PPP2R5E: variants seen among roughly 807,000 people sequenced by gnomAD.
PPP2R5E encodes protein phosphatase 2 regulatory subunit B'epsilon.
PPP2R5E carries 4 observed loss-of-function variants against 65.3 expected under a neutral mutation model. That is an observed-to-expected ratio of 0.06 (90% CI 0.03 to 0.14). The LOEUF (loss-of-function observed/expected upper bound fraction) is 0.14, where lower values mean the gene tolerates loss of function less well. Among genes scored for constraint, PPP2R5E ranks in the 10% least tolerant of loss-of-function variants. The probability of loss-of-function intolerance (pLI) is 1.00; values close to 1 mark genes in which losing one functional copy is unlikely to be tolerated. For missense variants in PPP2R5E, 274 were observed against 556.1 expected (o/e 0.49, Z 5.10); for synonymous variants, 183 against 187.4 (o/e 0.98, Z 0.19).
At chr14:63,381,058 T>C (rs1162211053) in intron 13 of PPP2R5E, among the ~76,000 whole-genome samples, 1 of 152,182 alleles carries the variant, frequency 6.6e-6, no homozygotes, top group South Asian at 2.1e-4. Flanking sequence ...CATCTGCTTA[T>C]GGATGATCAA....
At chr14:63,518,360 G>A (rs932898564) in intron 2 of PPP2R5E, among the ~76,000 whole-genome samples, 6 of 152,116 alleles carry the variant, frequency 3.9e-5, no homozygotes, top group African/African-American at 1.4e-4. Context: ...TCCTGCCTTA[G>A]CCTCTGGAGT....
intron 6 of PPP2R5E, among the ~76,000 whole-genome samples, chr14:63,396,031 G>C (rs1300870068): frequency 2.5e-4 from 1 of 3,960 alleles, no homozygotes; most frequent in Non-Finnish European, 4.9e-4. Context: ...GAGAGGGGAG[G>C]GGGAAGATGG....
chr14:63,512,997 AC>A (rs35922783), intron 2 of PPP2R5E, among the ~76,000 whole-genome samples: 53,221 of 151,242 alleles, frequency 0.35, 9,729 homozygotes, highest in African/African-American at 0.46. Context: ...CCACCCCCCT[AC>A]CCCCCACCAA....
chr14:63,521,184 A>G (rs1892893606), intron 2 of PPP2R5E, among the ~76,000 whole-genome samples: 2 of 152,232 alleles, frequency 1.3e-5, no homozygotes, highest in African/African-American at 4.8e-5. Context: ...CTAAACCAGT[A>G]CAGTTAAAAT....
intron 3 of PPP2R5E, among the ~76,000 whole-genome samples, chr14:63,426,870 G>A (rs190793921): frequency 1.8e-4 from 27 of 152,234 alleles, no homozygotes; most frequent in African/African-American, 3.4e-4. Context: ...ATTGGGGCAC[G>A]GGGGAGGAAG....
At chr14:63,505,962 G>C (rs528807159) in intron 2 of PPP2R5E, among the ~76,000 whole-genome samples, 10 of 152,238 alleles carry the variant, frequency 6.6e-5, no homozygotes, top group Admixed American at 5.9e-4. Flanking sequence ...TGTAAAGTCA[G>C]GCAAGGCTTT....
At chr14:63,428,557 C>A (rs1887461311) in intron 3 of PPP2R5E, among the ~76,000 whole-genome samples, 1 of 152,080 alleles carries the variant, frequency 6.6e-6, no homozygotes, top group African/African-American at 2.4e-5. Context: ...GGTCAAGGAC[C>A]TCATAACTGC....
chr14:63,464,479 A>C (rs28579385), intron 2 of PPP2R5E, among the ~76,000 whole-genome samples: 3,548 of 151,970 alleles, frequency 0.023, 122 homozygotes, highest in East Asian at 0.11. Flanking sequence ...AGGAAGAAGG[A>C]GCATGCTGGT....
chr14:63,477,362 G>A (rs1054432969), intron 2 of PPP2R5E, among the ~76,000 whole-genome samples: 5 of 152,040 alleles, frequency 3.3e-5, no homozygotes, highest in African/African-American at 1.2e-4. Flanking sequence ...AAAAATTGCA[G>A]CTAACATTTA....
At position 63,376,017 on chromosome 14, in the gene PPP2R5E, G is replaced by C; in HGVS notation, c.1396C>G (p.Pro466Ala). 6.3e-7 allele frequency: 1 copy of C among 1,587,702 alleles called. No homozygotes were observed. Among genetic ancestry groups the C allele is most frequent in the Non-Finnish European group, 8.6e-7 (1 of 1,156,746 alleles). ...KRGLRRDGII[P>A]T ...TGTTGTCATTGTTTTTGTTAAGTTGGAATTATTCCATCACGTCTAAGACCT... is the reference window on the plus strand; with the variant it reads ...TGTTGTCATTGTTTTTGTTAAGTTGCAATTATTCCATCACGTCTAAGACCT... Residue 466 changes from proline (P) to alanine (A), a missense_variant, in exon 14 of 14, where the codon CCA (proline) becomes GCA (alanine). This residue lies in a region of PPP2R5E where 129 missense variants were observed against 254.9 expected (regional missense o/e 0.51). Coordinates refer to ENST00000337537, the MANE Select transcript of PPP2R5E (RefSeq NM_006246.5).
chr14:63,516,149 T>A (rs1892663488), intron 2 of PPP2R5E, among the ~76,000 whole-genome samples: 2 of 152,134 alleles, frequency 1.3e-5, no homozygotes, highest in South Asian at 2.1e-4. Flanking sequence ...ACACCCGGCA[T>A]AGCCACTTAT....
At chr14:63,469,489 A>G (rs994104514) in intron 2 of PPP2R5E, among the ~76,000 whole-genome samples, 3 of 152,122 alleles carry the variant, frequency 2.0e-5, no homozygotes, top group African/African-American at 4.8e-5. Context: ...TCAGGAGATC[A>G]AGACCATCCT....
At chr14:63,415,095 T>G (rs1886624515) in intron 5 of PPP2R5E, 45 bp downstream of exon 5, 2 of 1,371,826 alleles carry the variant, frequency 1.5e-6, no homozygotes, top group Non-Finnish European at 2.1e-6. Flanking sequence ...TGAGATAAAG[T>G]GTTAACTGGA....
chr14:63,493,872 T>C (rs1022645551), intron 2 of PPP2R5E, among the ~76,000 whole-genome samples: 1 of 152,184 alleles, frequency 6.6e-6, no homozygotes, highest in African/African-American at 2.4e-5. Context: ...AGTATTCAGA[T>C]GATGTTCCAA....
intron 2 of PPP2R5E, among the ~76,000 whole-genome samples, chr14:63,463,975 G>T (rs967866274): frequency 4.6e-5 from 7 of 152,158 alleles, no homozygotes; most frequent in African/African-American, 1.4e-4. Context: ...AAATGAAGAT[G>T]AGTATACAAC....
chr14:63,382,915 T>TTATA (rs59385089), intron 12 of PPP2R5E, among the ~76,000 whole-genome samples: 11,191 of 151,898 alleles, frequency 0.074, 543 homozygotes, highest in East Asian at 0.25. Flanking sequence ...GAAACAAATG[T>TTATA]TATATATATA....
chr14:63,468,724 C>A (rs1443763994), intron 2 of PPP2R5E, among the ~76,000 whole-genome samples: 1 of 152,168 alleles, frequency 6.6e-6, no homozygotes, highest in Non-Finnish European at 1.5e-5. Flanking sequence ...CAGCTTTGTC[C>A]TTGGAGCCAA....
chr14:63,415,287 T>A, intron 4 of PPP2R5E, 55 bp from the exon 5 acceptor site: 1 of 1,283,984 alleles, frequency 7.8e-7, no homozygotes, highest in Non-Finnish European at 1.1e-6. Context: ...AGAACAGTAC[T>A]AAAAACCACC....
At chr14:63,446,206 A>G in intron 3 of PPP2R5E, among the ~76,000 whole-genome samples, 1 of 152,140 alleles carries the variant, frequency 6.6e-6, no homozygotes, top group East Asian at 1.9e-4. Context: ...TTATCTTGCT[A>G]TTCCCATCAC....
Sources: allele counts gnomAD v4.1 joint callset (sites outside exome capture counted in the v4.1 genomes callset), GRCh38; gene constraint gnomAD v4.1.1; regional missense constraint gnomAD v4.1.1; transcripts MANE v1.5; gene names NCBI Gene and HGNC (gene_info 2026-07-23, HGNC 2026-07-21).